ZNF831: variants seen among roughly 807,000 people sequenced by gnomAD.
The protein encoded by ZNF831 is chromosome 20 open reading frame 174.
Under a neutral mutation model 95.8 loss-of-function variants are expected in ZNF831, and 59 were observed. That is an observed-to-expected ratio of 0.62 (90% CI 0.50 to 0.77). The LOEUF (loss-of-function observed/expected upper bound fraction) is 0.77. ZNF831 is among the 30% of genes least tolerant of loss of function. The probability of loss-of-function intolerance (pLI) is 0.00; values close to 1 mark genes in which losing one functional copy is unlikely to be tolerated. For missense variants in ZNF831, 2,205 were observed against 2,164.0 expected, an observed-to-expected ratio of 1.02 and a Z score of -0.38; for synonymous variants, 961 against 925.5, an observed-to-expected ratio of 1.04 and a Z score of -0.70.
intron 1 of ZNF831, among the ~76,000 whole-genome samples, chr20:59,133,407 G>A (rs1324528709): frequency 2.0e-5 from 3 of 152,072 alleles, no homozygotes; most frequent in African/African-American, 7.2e-5. Flanking sequence ...TTTCCAGTAG[G>A]AAAACACACC....
At chr20:59,148,566 G>A (rs1466829666) in intron 2 of ZNF831, among the ~76,000 whole-genome samples, 2 of 137,284 alleles carry the variant, frequency 1.5e-5, no homozygotes, top group Non-Finnish European at 3.2e-5. Context: ...TGTAGTCCCA[G>A]CTACACGGGA....
intron 4 of ZNF831, among the ~76,000 whole-genome samples, chr20:59,242,265 A>G (rs1484693621): frequency 6.6e-6 from 1 of 152,210 alleles, no homozygotes; most frequent in African/African-American, 2.4e-5. Context: ...TAAGGATGCA[A>G]ATCTTGAGGA....
intron 1 of ZNF831, among the ~76,000 whole-genome samples, chr20:59,141,123 C>T (rs1325179190): frequency 6.6e-6 from 1 of 152,220 alleles, no homozygotes; most frequent in Non-Finnish European, 1.5e-5. Context: ...TGGTCTTGAA[C>T]TCCTGACCTC....
chr20:59,149,737 T>C (rs533588381), intron 2 of ZNF831, among the ~76,000 whole-genome samples: 13 of 152,318 alleles, frequency 8.5e-5, no homozygotes, highest in African/African-American at 2.9e-4. Context: ...CCCTGTGATG[T>C]TGACACTGTG....
chr20:59,191,037 C>T lies in ZNF831; in HGVS notation c.18C>T (p.Pro6=). Residue 6 remains proline (P), a synonymous_variant, in exon 2 of 6, where the codon CCC becomes CCT. Transcript: ENST00000371030. ...GATGCGGAATGGAGGTTCCAGAACC[C>T]ACCTGCCCTGCCCCTCCTGCGAGGG... MEVPE[P]TCPAPPARDQ... The T allele has an allele frequency of 6.7e-7, 1 of 1,488,828 alleles. No individual in the cohort carries two copies. The highest frequency in any genetic ancestry group is 8.9e-7 in the Non-Finnish European group (1 of 1,127,538). 92.2% of individuals were successfully genotyped at this position (1,488,828 alleles called of 1,614,324 possible).
intron 4 of ZNF831, among the ~76,000 whole-genome samples, chr20:59,207,601 C>T (rs1325398915): frequency 6.6e-6 from 1 of 152,194 alleles, no homozygotes; most frequent in South Asian, 2.1e-4. Context: ...GGGGCTGCTT[C>T]CTGGAAAAAT....
At chr20:59,212,350 A>G (rs922713377) in intron 4 of ZNF831, among the ~76,000 whole-genome samples, 1 of 152,180 alleles carries the variant, frequency 6.6e-6, no homozygotes, top group African/African-American at 2.4e-5. Flanking sequence ...ACCGTGTAAG[A>G]TTGTACATCG....
chr20:59,136,837 G>T (rs567126290), intron 1 of ZNF831, among the ~76,000 whole-genome samples: 2 of 152,194 alleles, frequency 1.3e-5, no homozygotes, highest in Non-Finnish European at 2.9e-5. Flanking sequence ...ACCCGGAATA[G>T]AAATAAAACT....
chr20:59,181,078 G>A (rs914465866), intron 1 of ZNF831, among the ~76,000 whole-genome samples: 44 of 152,186 alleles, frequency 2.9e-4, no homozygotes, highest in Admixed American at 5.2e-4. Context: ...TAACTGGCAC[G>A]AGATGGTATC....
In ZNF831 at chr20:59,127,306, G is replaced by A. The variant is rs188226882; in HGVS notation, c.-1425+3801G>A. Among the ~76,000 whole-genome samples, 399 of 152,154 alleles carry A rather than the reference G, an allele frequency of 2.6e-3. 1 individual carries two copies. The highest frequency in any genetic ancestry group is 5.6e-3 in the South Asian group (27 of 4,820). The stretch of plus-strand genomic sequence containing the variant: ...GACCATCCACTTCTCATGGCTCCCC[G>A]GCCCTGTCATCTCACCCTAGAGGCT... On this transcript the variant is annotated intron_variant, in intron 1 of 7. Transcript: ENST00000637017.
intron 4 of ZNF831, among the ~76,000 whole-genome samples, chr20:59,225,624 A>G (rs1986375429): frequency 6.6e-6 from 1 of 152,248 alleles, no homozygotes; most frequent in Admixed American, 6.5e-5. Context: ...TCCAGGGGAC[A>G]GGAGCAGACG....
chr20:59,228,342 A>C (rs367824747), intron 4 of ZNF831, among the ~76,000 whole-genome samples: 1 of 152,044 alleles, frequency 6.6e-6, no homozygotes, highest in Admixed American at 6.6e-5. Flanking sequence ...GGTTGATGGG[A>C]AATTGGCTGG....
chr20:59,188,323 A>G (rs1171770759), intron 1 of ZNF831, among the ~76,000 whole-genome samples: 1 of 152,144 alleles, frequency 6.6e-6, no homozygotes, highest in Non-Finnish European at 1.5e-5. Context: ...TTTATTGCTT[A>G]TTAGTTTATT....
chr20:59,149,886 C>T (rs955808867), intron 2 of ZNF831, among the ~76,000 whole-genome samples: 27 of 152,370 alleles, frequency 1.8e-4, no homozygotes, highest in Non-Finnish European at 2.1e-4. Context: ...GGGGGGCTGT[C>T]GTCCCACACA....
At chr20:59,179,682 G>T (rs950731077) in intron 1 of ZNF831, among the ~76,000 whole-genome samples, 1 of 152,036 alleles carries the variant, frequency 6.6e-6, no homozygotes, top group Non-Finnish European at 1.5e-5. Flanking sequence ...CCTACCCCCT[G>T]GGTCCCTGCA....
chr20:59,244,080 T>G (rs1987473837), intron 4 of ZNF831, among the ~76,000 whole-genome samples: 1 of 152,156 alleles, frequency 6.6e-6, no homozygotes, highest in Non-Finnish European at 1.5e-5. Context: ...ACTAAAAATG[T>G]TTTTTTGGAG....
intron 1 of ZNF831, among the ~76,000 whole-genome samples, chr20:59,171,209 C>T (rs142546336): frequency 3.3e-5 from 5 of 152,280 alleles, no homozygotes; most frequent in African/African-American, 1.2e-4. Flanking sequence ...TCTCGTGGGC[C>T]CCTCCTGGAA....
intron 2 of ZNF831, among the ~76,000 whole-genome samples, chr20:59,158,683 T>TG (rs1343644511): frequency 6.6e-6 from 1 of 152,224 alleles, no homozygotes; most frequent in Non-Finnish European, 1.5e-5. Context: ...ATGCACCCCC[T>TG]GGGGACACTT....
intron 1 of ZNF831, among the ~76,000 whole-genome samples, chr20:59,132,247 A>G (rs921003058): frequency 8.6e-5 from 13 of 151,514 alleles, no homozygotes; most frequent in Non-Finnish European, 1.8e-4. Context: ...GCGATGTCCC[A>G]TAATTTAGTT....
Sources: gnomAD v4.1 joint callset for allele counts (sites outside exome capture counted in the v4.1 genomes callset) on GRCh38, gnomAD v4.1.1 for gene constraint, MANE v1.5 for transcripts, NCBI Gene and HGNC (gene_info 2026-07-23, HGNC 2026-07-21) for gene names.